Variants in CACNG4 observed in about 807,000 individuals in gnomAD.
CACNG4 encodes voltage-dependent calcium channel gamma-4 subunit.
In CACNG4, 8 loss-of-function variants were observed where a neutral mutation model predicts 22.9. The ratio of observed to expected loss-of-function variants is 0.35; its 90% CI spans 0.21 to 0.63. CACNG4 has a LOEUF of 0.63. Among genes scored for constraint, CACNG4 ranks in the 30% least tolerant of loss-of-function variants. The probability of loss-of-function intolerance (pLI) is 0.72; values close to 1 mark genes in which losing one functional copy is unlikely to be tolerated. For synonymous variants in CACNG4, 188 were observed against 191.9 expected, an observed-to-expected ratio of 0.98 and a Z score of 0.17; for missense variants, 357 against 455.4, an observed-to-expected ratio of 0.78 and a Z score of 1.97.
intron 1 of CACNG4, among the ~76,000 whole-genome samples, chr17:66,986,849 G>GGTCT (rs1218277667): frequency 2.0e-5 from 3 of 152,046 alleles, no homozygotes; most frequent in Non-Finnish European, 4.4e-5. Flanking sequence ...ACTGGATTAG[G>GGTCT]GTCTACCCTA....
At chr17:66,993,970 G>A (rs1417986224) in intron 1 of CACNG4, among the ~76,000 whole-genome samples, 3 of 151,662 alleles carry the variant, frequency 2.0e-5, no homozygotes, top group Non-Finnish European at 2.9e-5. Context: ...CTATCCATCT[G>A]TCTCTATATG....
chr17:67,009,583 T>A (rs901403613), intron 1 of CACNG4, among the ~76,000 whole-genome samples: 2 of 152,206 alleles, frequency 1.3e-5, no homozygotes, highest in Non-Finnish European at 2.9e-5. Context: ...AAATATAGTG[T>A]ATCTGTAGTA....
In CACNG4 at chr17:67,031,251, G is replaced by T. The variant is rs978324394; in HGVS notation, c.*247G>T. The T allele has an allele frequency of 1.1e-4, 71 of 654,694 alleles. No homozygotes were observed. The highest frequency in any genetic ancestry group is 6.2e-4 in the African/African-American group (35 of 56,080). 40.6% of individuals were successfully genotyped at this position (654,694 alleles called of 1,614,324 possible). A position where few individuals can be genotyped will look rare whatever the true frequency, so the allele number is the denominator to read the frequency against. ...AAAAAGGGTGTTTTGATGCCTCAGGGTCTCTGAAATCTCCCGGGAAGCCCC... is the reference window on the plus strand; with the variant it reads ...AAAAAGGGTGTTTTGATGCCTCAGGTTCTCTGAAATCTCCCGGGAAGCCCC... On this transcript the variant is annotated 3_prime_UTR_variant, in exon 4 of 4. Transcript: ENST00000262138. This position sits in a 1 kb window ranked among gnomAD's most constrained non-coding sequence, Gnocchi z 4.0.
intron 1 of CACNG4, among the ~76,000 whole-genome samples, chr17:66,975,113 G>A (rs570132866): frequency 6.6e-6 from 1 of 152,150 alleles, no homozygotes; most frequent in African/African-American, 2.4e-5. Flanking sequence ...TCCTTCCACC[G>A]CTATCACCCC....
intron 1 of CACNG4, among the ~76,000 whole-genome samples, chr17:66,976,158 G>A (rs185620613): frequency 2.6e-5 from 4 of 152,286 alleles, no homozygotes; most frequent in Admixed American, 2.0e-4. Context: ...AGGAGGACAA[G>A]GCACCGGAGT....
rs990058625 is a variant in CACNG4, at chr17:66,984,464, A to G, written c.220+19333A>G. Among the ~76,000 whole-genome samples, 3 of 152,084 alleles carry G rather than the reference A, an allele frequency of 2.0e-5. No individual in the cohort carries two copies. Among genetic ancestry groups the G allele is most frequent in the Non-Finnish European group, 4.4e-5 (3 of 68,008 alleles). ...CTGCACCCGCCCCCATTCATCCCCA[A>G]CTGCTGGCCTGTATTTTCTTCAGTC... On this transcript the variant is annotated intron_variant, in intron 1 of 3. Coordinates refer to ENST00000262138, the MANE Select transcript of CACNG4 (RefSeq NM_014405.4). This position sits in a 1 kb window ranked among gnomAD's most constrained non-coding sequence, Gnocchi z 4.0.
At chr17:66,975,736 G>A (rs959295934) in intron 1 of CACNG4, among the ~76,000 whole-genome samples, 1 of 152,200 alleles carries the variant, frequency 6.6e-6, no homozygotes, top group Non-Finnish European at 1.5e-5. Context: ...CCCAGTGGAG[G>A]CCACGGTGTT....
intron 1 of CACNG4, among the ~76,000 whole-genome samples, chr17:66,997,215 A>G (rs2035380660): frequency 6.6e-6 from 1 of 152,174 alleles, no homozygotes. Context: ...TGCAAACCCA[A>G]ACTAGGGCAG....
At chr17:66,971,368 A>G (rs1247559457) in intron 1 of CACNG4, among the ~76,000 whole-genome samples, 1 of 152,118 alleles carries the variant, frequency 6.6e-6, no homozygotes, top group African/African-American at 2.4e-5. Flanking sequence ...TGAGACACAC[A>G]CACGGGCTAC....
chr17:67,030,792 G>A lies in CACNG4; in HGVS notation c.772G>A (p.Val258Met), dbSNP rs376262241. The A allele has an allele frequency of 4.8e-5, 77 of 1,614,026 alleles. No homozygotes were observed. In the South Asian group the frequency reaches 6.0e-4, roughly 13 times the overall value. The change falls in exon 4 of 4, where the codon GTG becomes ATG. Residue 258 changes from valine (V) to methionine (M), a missense_variant. Coordinates refer to ENST00000262138, the MANE Select transcript of CACNG4 (RefSeq NM_014405.4). This position sits in a 1 kb window ranked among gnomAD's most constrained non-coding sequence, Gnocchi z 6.4. ...CACCGAGGCCTCGCCCTCCAGGGACGTGTCGCCCATGGGCCTGAAGATCAC... is the reference window on the plus strand; with the variant it reads ...CACCGAGGCCTCGCCCTCCAGGGACATGTCGCCCATGGGCCTGAAGATCAC... ...RSTEASPSRD[V>M]SPMGLKITGA...
chr17:67,006,091 C>G (rs997831148), intron 1 of CACNG4, among the ~76,000 whole-genome samples: 1 of 152,166 alleles, frequency 6.6e-6, no homozygotes, highest in African/African-American at 2.4e-5. Context: ...TGAAATGTGT[C>G]CCTTTTCACA....
At chr17:66,975,651 T>A (rs1351500624) in intron 1 of CACNG4, among the ~76,000 whole-genome samples, 1 of 152,186 alleles carries the variant, frequency 6.6e-6, no homozygotes, top group East Asian at 1.9e-4. Flanking sequence ...AGACATAAGT[T>A]GCCCAAATTT....
intron 1 of CACNG4, among the ~76,000 whole-genome samples, chr17:66,975,361 T>C (rs770244865): frequency 6.6e-6 from 1 of 152,140 alleles, no homozygotes; most frequent in Non-Finnish European, 1.5e-5. Context: ...ACGGTCAGCA[T>C]TGAAGCCACA....
rs372960600 is a variant in CACNG4 at position 66,965,185 on chromosome 17, CATAT to C, written c.220+56_220+59del. On this transcript the variant is annotated intron_variant, in intron 1 of 3. Transcript: ENST00000262138. ...CCACACACACACACACACACACACA[CATAT>C]ACACACGCGCGCGCGCGCGCGCGCA... 2,536 of 959,804 alleles carry C rather than the reference CATAT, an allele frequency of 2.6e-3. 25 individuals carry two copies. Among genetic ancestry groups the C allele is most frequent in the Admixed American group, 8.4e-3 (297 of 35,482 alleles). The allele number at this position is 959,804 out of a possible 1,614,324, so 59.5% of individuals were successfully genotyped here.
intron 1 of CACNG4, among the ~76,000 whole-genome samples, chr17:66,982,991 A>T (rs2035285785): frequency 6.6e-6 from 1 of 150,568 alleles, no homozygotes; most frequent in Admixed American, 6.6e-5. Context: ...AGATGCAGAA[A>T]CTGAGGCACG....
chr17:66,978,883 A>T (rs962537362), intron 1 of CACNG4, among the ~76,000 whole-genome samples: 1 of 152,252 alleles, frequency 6.6e-6, no homozygotes, highest in African/African-American at 2.4e-5. Flanking sequence ...AGTGGAGGCC[A>T]GATGCCTGGT....
intron 3 of CACNG4, among the ~76,000 whole-genome samples, chr17:67,026,519 T>C (rs576320125): frequency 8.1e-4 from 94 of 115,714 alleles, no homozygotes; most frequent in South Asian, 1.1e-3. Flanking sequence ...GTGTGTGTAT[T>C]TGAGGACTGT....
At chr17:66,975,760 T>C (rs1177546832) in intron 1 of CACNG4, among the ~76,000 whole-genome samples, 2 of 152,132 alleles carry the variant, frequency 1.3e-5, no homozygotes, top group Non-Finnish European at 2.9e-5. Flanking sequence ...TCCTCACCTC[T>C]CAGAGGCAGG....
intron 1 of CACNG4, among the ~76,000 whole-genome samples, chr17:66,985,826 T>C (rs1316866723): frequency 6.6e-6 from 1 of 151,952 alleles, no homozygotes; most frequent in Non-Finnish European, 1.5e-5. Context: ...GGAGTGGCAG[T>C]AGCACAGAGT....
Sources: gnomAD v4.1 joint callset for allele counts (sites outside exome capture counted in the v4.1 genomes callset) on GRCh38, gnomAD v4.1.1 for gene constraint, Gnocchi (gnomAD v3.1) non-coding constraint, MANE v1.5 for transcripts, NCBI Gene and HGNC (gene_info 2026-07-23, HGNC 2026-07-21) for gene names.